ADCY3: variants seen among roughly 807,000 people sequenced by gnomAD.
The protein encoded by ADCY3 is adenylate cyclase 3.
ADCY3 carries 70 observed loss-of-function variants against 119.4 expected under a neutral mutation model. The ratio of observed to expected loss-of-function variants is 0.59; its 90% CI spans 0.48 to 0.72. ADCY3 has a LOEUF of 0.72. Ranked by LOEUF, ADCY3 falls within the 30% of genes least tolerant of loss-of-function variation. The probability of loss-of-function intolerance (pLI) is 0.00; values close to 1 mark genes in which losing one functional copy is unlikely to be tolerated. For synonymous variants in ADCY3, 672 were observed against 621.4 expected (o/e 1.08, Z -1.21); for missense variants, 1,238 against 1,541.6 (o/e 0.80, Z 3.30).
intron 3 of ADCY3, among the ~76,000 whole-genome samples, chr2:24,847,537 T>C (rs1023259578): frequency 3.9e-5 from 6 of 152,150 alleles, no homozygotes; most frequent in Non-Finnish European, 5.9e-5. Context: ...GGAAGTGGCA[T>C]CCAGTTCTCC....
intron 15 of ADCY3, among the ~76,000 whole-genome samples, chr2:24,827,122 CAT>C (rs1296308155): frequency 2.0e-5 from 3 of 152,192 alleles, no homozygotes; most frequent in Non-Finnish European, 4.4e-5. Context: ...GTCATGGAAT[CAT>C]AAAATTTTAA....
intron 16 of ADCY3, chr2:24,825,792 C>T: frequency 1.9e-6 from 1 of 536,204 alleles, no homozygotes; most frequent in Non-Finnish European, 3.3e-6. Context: ...ACTCTATCCC[C>T]TCCCACCTTC....
chr2:24,893,602 C>CAA (rs1677944175), intron 2 of ADCY3, among the ~76,000 whole-genome samples: 1 of 146,524 alleles, frequency 6.8e-6, no homozygotes, highest in Admixed American at 6.8e-5. Context: ...CAATACCTGT[C>CAA]TTTTTTTTTT....
At chr2:24,844,170 C>T (rs553015256) in intron 3 of ADCY3, among the ~76,000 whole-genome samples, 2 of 152,230 alleles carry the variant, frequency 1.3e-5, no homozygotes, top group East Asian at 3.9e-4. Context: ...GACAGGTGCC[C>T]GCTGACCTTC....
chr2:24,834,411 ACACCTGCCCCCGCC>A lies in ADCY3; in HGVS notation c.1967+60_1967+73del. On this transcript the variant is annotated intron_variant, in intron 11 of 21. Coordinates refer to ENST00000679454, the MANE Select transcript of ADCY3 (RefSeq NM_004036.5). The surrounding 1 kb of genome is among the most constrained non-coding windows in gnomAD (Gnocchi z 4.2). ...TCCCCAATGTCAGGCTCCCGCTGAG[ACACCTGCCCCCGCC>A]CCCCGCCCGGCACCACCGCAGCCGA... is the stretch of plus-strand genomic sequence containing the variant. 1.6e-6 allele frequency: 2 copies of A among 1,237,222 alleles called. No homozygotes were observed. The highest frequency in any genetic ancestry group is 1.1e-6 in the Non-Finnish European group (1 of 885,548). 76.6% of individuals were successfully genotyped at this position (1,237,222 alleles called of 1,614,324 possible).
Position 24,841,723 on chromosome 2 carries a change from C to T in ADCY3, c.957-56G>A, listed in dbSNP as rs543151576. 2 of 1,378,872 alleles carry T rather than the reference C, an allele frequency of 1.5e-6. No individual in the cohort carries two copies. Among genetic ancestry groups the T allele is most frequent in the Admixed American group, 3.6e-5 (2 of 55,424 alleles). The allele number at this position is 1,378,872 out of a possible 1,614,324, so 85.4% of individuals were successfully genotyped here. Reference sequence around the variant, plus strand: ...CTCCAGGCAGCCAGGTGTACCCGACCCCACTGCCAGCTCCCTCTCCAACCC... The same window carrying T: ...CTCCAGGCAGCCAGGTGTACCCGACTCCACTGCCAGCTCCCTCTCCAACCC... On this transcript the variant is annotated intron_variant, in intron 4 of 21. Transcript: ENST00000679454. The surrounding 1 kb of genome is among the most constrained non-coding windows in gnomAD (Gnocchi z 5.8).
intron 3 of ADCY3, among the ~76,000 whole-genome samples, chr2:24,843,106 C>T (rs1023173571): frequency 6.6e-5 from 10 of 152,236 alleles, no homozygotes; most frequent in African/African-American, 2.4e-4. Context: ...AACGCACAGA[C>T]ACACGCAAAG....
chr2:24,823,797 G>C (rs1430449754), intron 17 of ADCY3, among the ~76,000 whole-genome samples: 1 of 151,402 alleles, frequency 6.6e-6, no homozygotes, highest in Non-Finnish European at 1.5e-5. Context: ...GTTCAAGTGA[G>C]TCTCCTGTCT....
chr2:24,845,218 A>C (rs11125816), intron 3 of ADCY3, among the ~76,000 whole-genome samples: 59,066 of 152,042 alleles, frequency 0.39, 13,499 homozygotes, highest in East Asian at 0.56. Flanking sequence ...ATACCCAAAA[A>C]CGTGGAAGTG....
chr2:24,877,814 C>G (rs550424008), intron 2 of ADCY3: 4 of 459,876 alleles, frequency 8.7e-6, no homozygotes, highest in African/African-American at 4.0e-5. Flanking sequence ...GGCTCCTTGG[C>G]CTGGGGCGAG....
chr2:24,894,100 CTT>C (rs1286997520), intron 2 of ADCY3, among the ~76,000 whole-genome samples: 2 of 152,084 alleles, frequency 1.3e-5, no homozygotes, highest in African/African-American at 4.8e-5. Flanking sequence ...AGTCATATCT[CTT>C]TGTTACGCTT....
At chr2:24,882,600 C>T (rs1009722197) in intron 2 of ADCY3, among the ~76,000 whole-genome samples, 5 of 152,202 alleles carry the variant, frequency 3.3e-5, no homozygotes, top group African/African-American at 1.2e-4. Context: ...AATTCCAATT[C>T]TATTTAAAGA....
At chr2:24,823,160 G>T (rs374957783) in intron 18 of ADCY3, 49 bp downstream of exon 18, 184 of 1,581,484 alleles carry the variant, frequency 1.2e-4, no homozygotes, top group Non-Finnish European at 1.4e-4. Context: ...GATGTGATGT[G>T]GAATGGGCCG....
At position 24,819,730 on chromosome 2, in the gene ADCY3, T is replaced by TA. The variant is rs1361427740; in HGVS notation, c.*201dup. 1 of 589,554 alleles carries TA rather than the reference T, an allele frequency of 1.7e-6. No homozygotes were observed. Among genetic ancestry groups the TA allele is most frequent in the Admixed American group, 3.2e-5 (1 of 31,206 alleles). The allele number at this position is 589,554 out of a possible 1,614,324, so 36.5% of individuals were successfully genotyped here. On this transcript the variant is annotated 3_prime_UTR_variant, in exon 22 of 22. Coordinates refer to ENST00000679454, the MANE Select transcript of ADCY3 (RefSeq NM_004036.5). ...TGTTCAGCCCTATGCCTAAGACCCC[T>TA]ATGCTGGGGACACTACAGGCACACA...
chr2:24,826,630 GTTGTTTTCAT>G (rs1316470959), intron 15 of ADCY3: 3 of 154,572 alleles, frequency 1.9e-5, no homozygotes, highest in Admixed American at 1.9e-4. Flanking sequence ...TGTCATTTGG[GTTGTTTTCAT>G]TTGTTTTGGG....
At chr2:24,850,859 G>C (rs1672204495) in intron 3 of ADCY3, among the ~76,000 whole-genome samples, 1 of 152,216 alleles carries the variant, frequency 6.6e-6, no homozygotes, top group Admixed American at 6.5e-5. Flanking sequence ...ATAAAGTACA[G>C]AGAGAGAAGA....
At chr2:24,877,745 C>T (rs775743771) in intron 2 of ADCY3, among the ~76,000 whole-genome samples, 2 of 152,212 alleles carry the variant, frequency 1.3e-5, no homozygotes, top group African/African-American at 2.4e-5. Context: ...CCAGGGCTCC[C>T]GCTCAAAGTG....
At chr2:24,912,586 CATGTGTGTGTGTGTGTGCAT>C (rs1558528939) in intron 2 of ADCY3, among the ~76,000 whole-genome samples, 22 of 102,102 alleles carry the variant, frequency 2.2e-4, no homozygotes, top group African/African-American at 4.4e-4. Context: ...TGTGTGTGTG[CATGTGTGTGTGTGTGTGCAT>C]GTGTGTGTGT....
Position 24,820,854 on chromosome 2 carries a change from G to A in ADCY3, c.3128-6C>T. Reference sequence around the variant, plus strand: ...AACCCCGCCTTTGTTCATGCCTAGGGTAGAGGCATAAAGTTCAGCACAGCC... The same window carrying A: ...AACCCCGCCTTTGTTCATGCCTAGGATAGAGGCATAAAGTTCAGCACAGCC... On this transcript the variant is annotated splice_polypyrimidine_tract_variant and splice_region_variant and intron_variant, in intron 20 of 21. Coordinates refer to ENST00000679454, the MANE Select transcript of ADCY3 (RefSeq NM_004036.5). 6.2e-7 allele frequency: 1 copy of A among 1,613,696 alleles called. No homozygotes were observed. Among genetic ancestry groups the A allele is most frequent in the Non-Finnish European group, 8.5e-7 (1 of 1,179,752 alleles).
Sources: allele counts gnomAD v4.1 joint callset (sites outside exome capture counted in the v4.1 genomes callset), GRCh38; gene constraint gnomAD v4.1.1; non-coding constraint Gnocchi (gnomAD v3.1); transcripts MANE v1.5; gene names NCBI Gene and HGNC (gene_info 2026-07-23, HGNC 2026-07-21).